The following TFAP2D variants were observed in gnomAD, a reference collection of about 807,000 sequenced individuals.
TFAP2D encodes the protein transcription factor AP-2-delta.
A neutral mutation model predicts 43.6 loss-of-function variants in TFAP2D; 9 were observed. That is an observed-to-expected ratio of 0.21 (90% CI 0.12 to 0.36). TFAP2D has a LOEUF of 0.36. Ranked by LOEUF, TFAP2D falls within the 10% of genes least tolerant of loss-of-function variation. The probability of loss-of-function intolerance (pLI) is 1.00; values close to 1 mark genes in which losing one functional copy is unlikely to be tolerated. For missense variants in TFAP2D, 513 were observed against 561.4 expected (o/e 0.91, Z 0.87); for synonymous variants, 256 against 224.9 (o/e 1.14, Z -1.24).
At chr6:50,755,204 C>T (rs1183629465) in intron 7 of TFAP2D, among the ~76,000 whole-genome samples, 4 of 151,826 alleles carry the variant, frequency 2.6e-5, no homozygotes, top group African/African-American at 9.7e-5. Context: ...ACAAAAGATA[C>T]ATGATTGGCA....
At chr6:50,745,952 G>T in intron 6 of TFAP2D, among the ~76,000 whole-genome samples, 1 of 152,148 alleles carries the variant, frequency 6.6e-6, no homozygotes, top group East Asian at 1.9e-4. Context: ...ACACTTGAAA[G>T]TTCGTCGATA....
At position 50,714,175 on chromosome 6, in the gene TFAP2D, G is replaced by A. The variant is rs1425278014; in HGVS notation, c.39+81G>A. ...GGCGGTGGCGGCGGTGGCGGCGGCG[G>A]TGGCAGCCTCCCCTGTCTCTAATCT... On this transcript the variant is annotated intron_variant, in intron 1 of 7. Transcript: ENST00000008391. 2.1e-6 allele frequency: 3 copies of A among 1,419,208 alleles called. No homozygotes were observed. In the African/African-American group the frequency reaches 4.4e-5, roughly 21 times the overall value. 87.9% of individuals were successfully genotyped at this position (1,419,208 alleles called of 1,614,324 possible). A position where few individuals can be genotyped will look rare whatever the true frequency, so the allele number is the denominator to read the frequency against.
intron 7 of TFAP2D, among the ~76,000 whole-genome samples, chr6:50,764,750 C>T (rs1769417980): frequency 1.3e-5 from 2 of 152,078 alleles, no homozygotes; most frequent in South Asian, 4.1e-4. Flanking sequence ...AATAGTTTTC[C>T]ATCTCAGACC....
intron 5 of TFAP2D, among the ~76,000 whole-genome samples, chr6:50,734,475 ATGTTCATTATCAGGGACTTTTT>A (rs776414870): frequency 1.4e-4 from 21 of 152,124 alleles, no homozygotes; most frequent in Non-Finnish European, 2.6e-4. Context: ...TCTGATGTGA[ATGTTCATTATCAGGGACTTTTT>A]TATTGTCAGT....
chr6:50,717,582 A>G (rs1168238742), intron 2 of TFAP2D, among the ~76,000 whole-genome samples: 2 of 152,220 alleles, frequency 1.3e-5, no homozygotes, highest in African/African-American at 4.8e-5. Flanking sequence ...AAAATTACTC[A>G]TACTAAGGGA....
At chr6:50,724,581 G>C (rs981844324) in intron 3 of TFAP2D, among the ~76,000 whole-genome samples, 2 of 152,110 alleles carry the variant, frequency 1.3e-5, no homozygotes, top group Non-Finnish European at 1.5e-5. Context: ...TCTGAGACGG[G>C]GGAGGCGCGG....
intron 3 of TFAP2D, among the ~76,000 whole-genome samples, chr6:50,722,313 G>A (rs1276723831): frequency 6.6e-6 from 1 of 152,136 alleles, no homozygotes; most frequent in Non-Finnish European, 1.5e-5. Context: ...CGCCTCGGGC[G>A]TAGGCTTTGA....
chr6:50,769,677 C>A (rs1045680100), intron 7 of TFAP2D, among the ~76,000 whole-genome samples: 1 of 152,194 alleles, frequency 6.6e-6, no homozygotes, highest in African/African-American at 2.4e-5. Flanking sequence ...AAAGTTAAGT[C>A]AGAGGAACTG....
chr6:50,719,092 CT>C lies in TFAP2D; in HGVS notation c.541del (p.Ser181LeufsTer16). 1 of 1,613,812 alleles carries C rather than the reference CT, an allele frequency of 6.2e-7. No individual in the cohort carries two copies. The highest frequency in any genetic ancestry group is 8.5e-7 in the Non-Finnish European group (1 of 1,179,820). ...TTATTTCTGTTTCTTTTATTAAGGG[CT>C]CTGTGGAGGCCCAGTGTGGGCTTGT... is the stretch of plus-strand genomic sequence containing the variant. ...AAAGADDLQG[S>X]VEAQCGLVLN... On this transcript the variant is annotated frameshift_variant, in exon 3 of 8. Coordinates refer to ENST00000008391, the MANE Select transcript of TFAP2D (RefSeq NM_172238.4). LOFTEE classifies it high-confidence loss of function.
chr6:50,733,986 ATGTGTGTGTGTGTGTG>A (rs34213110), intron 5 of TFAP2D, among the ~76,000 whole-genome samples: 2 of 141,594 alleles, frequency 1.4e-5, no homozygotes, highest in African/African-American at 2.5e-5. Flanking sequence ...CTTTCTGTGT[ATGTGTGTGTGTGTGTG>A]TGTGTGTGTG....
At chr6:50,761,781 A>C (rs1406920721) in intron 7 of TFAP2D, among the ~76,000 whole-genome samples, 1 of 152,142 alleles carries the variant, frequency 6.6e-6, no homozygotes, top group African/African-American at 2.4e-5. Flanking sequence ...AATGTAAACT[A>C]TACTTACTTA....
intron 3 of TFAP2D, among the ~76,000 whole-genome samples, chr6:50,722,508 A>G (rs909592003): frequency 3.3e-5 from 5 of 150,806 alleles, no homozygotes; most frequent in African/African-American, 1.2e-4. Flanking sequence ...AGAAAATCTC[A>G]CTCTTTTTTT....
chr6:50,746,913 A>C (rs886547885), intron 6 of TFAP2D, among the ~76,000 whole-genome samples: 1 of 152,152 alleles, frequency 6.6e-6, no homozygotes, highest in Non-Finnish European at 1.5e-5. Flanking sequence ...GAAAAGCAAA[A>C]GTTGGTGGCA....
chr6:50,753,992 A>G (rs1046403192), intron 7 of TFAP2D, among the ~76,000 whole-genome samples: 4 of 151,972 alleles, frequency 2.6e-5, no homozygotes, highest in South Asian at 2.1e-4. Context: ...TTAAAAATAC[A>G]TAACATAAAA....
chr6:50,757,490 T>TACATATAATTATTCTATATATAG, intron 7 of TFAP2D, among the ~76,000 whole-genome samples: 1 of 78,692 alleles, frequency 1.3e-5, no homozygotes, highest in Non-Finnish European at 2.2e-5. Flanking sequence ...TATATATATA[T>TACATATAATTATTCTATATATAG]AATATATATA....
chr6:50,749,433 T>C (rs1182048618), intron 6 of TFAP2D, among the ~76,000 whole-genome samples: 1 of 151,836 alleles, frequency 6.6e-6, no homozygotes, highest in Non-Finnish European at 1.5e-5. Flanking sequence ...TTTAATCTGA[T>C]AGAAAAACTA....
intron 7 of TFAP2D, among the ~76,000 whole-genome samples, chr6:50,765,093 C>A (rs1769423303): frequency 6.6e-6 from 1 of 152,186 alleles, no homozygotes; most frequent in African/African-American, 2.4e-5. Context: ...CCATTTCTGT[C>A]ACTTCTTAGC....
intron 5 of TFAP2D, among the ~76,000 whole-genome samples, chr6:50,731,449 T>TACAC (rs35052459): frequency 9.5e-4 from 142 of 149,368 alleles, no homozygotes; most frequent in African/African-American, 2.2e-3. Context: ...CCCACTTTCA[T>TACAC]ACACACACAC....
At chr6:50,746,582 A>G (rs1175935957) in intron 6 of TFAP2D, among the ~76,000 whole-genome samples, 2 of 152,170 alleles carry the variant, frequency 1.3e-5, no homozygotes, top group African/African-American at 4.8e-5. Flanking sequence ...GAGAGTATTA[A>G]AAACATCACT....
Sources: allele counts gnomAD v4.1 joint callset (sites outside exome capture counted in the v4.1 genomes callset), GRCh38; gene constraint gnomAD v4.1.1; transcripts MANE v1.5; gene names NCBI Gene and HGNC (gene_info 2026-07-23, HGNC 2026-07-21).